ACTN1: variants seen among roughly 807,000 people sequenced by gnomAD.
ACTN1 encodes alpha-actinin-1.
ACTN1 carries 30 observed loss-of-function variants against 119.6 expected under a neutral mutation model. The observed-to-expected ratio is 0.25, with a 90% confidence interval of 0.19 to 0.34. ACTN1 has a LOEUF of 0.34. Among genes scored for constraint, ACTN1 ranks in the 10% least tolerant of loss-of-function variants. The pLI, the probability that ACTN1 is intolerant of heterozygous loss-of-function variation, is 1.00. For missense variants in ACTN1, 764 were observed against 1,223.4 expected, an observed-to-expected ratio of 0.62 and a Z score of 5.60; for synonymous variants, 429 against 472.6, an observed-to-expected ratio of 0.91 and a Z score of 1.20.
Position 68,892,312 on chromosome 14 carries a change from G to T in ACTN1, c.856-29C>A, listed in dbSNP as rs1021987880. 5 of 1,593,912 alleles carry T rather than the reference G, an allele frequency of 3.1e-6. No homozygotes were observed. The African/African-American group carries it at 6.7e-5, about 21-fold the overall frequency. ...GGGTGGGAAGGCGGTGGGGGCAGGAGGTGAGGAGGCGGGGAGGGAGTGTGC... is the reference window on the plus strand; with the variant it reads ...GGGTGGGAAGGCGGTGGGGGCAGGATGTGAGGAGGCGGGGAGGGAGTGTGC... On this transcript the variant is annotated intron_variant, in intron 9 of 21. Transcript: ENST00000394419.
chr14:68,970,471 G>A (rs1396767153), intron 1 of ACTN1, among the ~76,000 whole-genome samples: 1 of 152,172 alleles, frequency 6.6e-6, no homozygotes, highest in Non-Finnish European at 1.5e-5. Flanking sequence ...CCTGAGCCTC[G>A]GCTGCCTGGT....
intron 21 of ACTN1, 99 bp downstream of exon 21, chr14:68,876,983 G>T: frequency 7.1e-7 from 1 of 1,416,594 alleles, no homozygotes; most frequent in South Asian, 1.4e-5. Flanking sequence ...CTGGAAGAAG[G>T]GGCGGTTGAG....
intron 2 of ACTN1, among the ~76,000 whole-genome samples, chr14:68,923,693 G>A (rs890589868): frequency 3.9e-5 from 6 of 152,066 alleles, no homozygotes; most frequent in African/African-American, 7.2e-5. Flanking sequence ...AAAACAGCAC[G>A]GTGGCTCCTC....
intron 1 of ACTN1, among the ~76,000 whole-genome samples, chr14:68,929,457 T>C (rs1482054959): frequency 1.2e-5 from 1 of 82,194 alleles, no homozygotes; most frequent in Admixed American, 1.4e-4. Context: ...CAGGGCCATG[T>C]TACTGCTCAG....
chr14:68,876,699 T>TA (rs1229688023), intron 21 of ACTN1, among the ~76,000 whole-genome samples: 7 of 152,188 alleles, frequency 4.6e-5, no homozygotes, highest in Non-Finnish European at 1.0e-4. Flanking sequence ...CAGTCCCTCT[T>TA]CCTGCTCCCA....
chr14:68,890,406 G>T, intron 10 of ACTN1, 120 bp from the exon 11 acceptor site: 1 of 1,194,122 alleles, frequency 8.4e-7, no homozygotes, highest in Non-Finnish European at 1.2e-6. Flanking sequence ...CCCTATCTCT[G>T]CCCCATATCC....
chr14:68,915,194 T>TG (rs1307757164), intron 3 of ACTN1, among the ~76,000 whole-genome samples: 1 of 152,170 alleles, frequency 6.6e-6, no homozygotes, highest in African/African-American at 2.4e-5. Flanking sequence ...TCAAAGCCAG[T>TG]GGCCAGAGAG....
At chr14:68,923,290 G>A (rs1566641437) in intron 2 of ACTN1, among the ~76,000 whole-genome samples, 1 of 152,168 alleles carries the variant, frequency 6.6e-6, no homozygotes, top group African/African-American at 2.4e-5. Context: ...TGTGATAAAA[G>A]ACACAGCAGA....
At position 68,877,234 on chromosome 14, in the gene ACTN1, C is replaced by T. The variant is rs1327117776; in HGVS notation, c.2434G>A (p.Ala812Thr). 1.2e-6 allele frequency: 2 copies of T among 1,614,110 alleles called. No individual in the cohort carries two copies. Among genetic ancestry groups the T allele is most frequent in the South Asian group, 2.2e-5 (2 of 91,082 alleles). Residue 812 changes from alanine (A) to threonine (T), a missense_variant, in exon 21 of 22, where the codon GCA becomes ACA. Coordinates refer to ENST00000394419, the MANE Select transcript of ACTN1 (RefSeq NM_001130004.2). ...ATGCTCATGATGCGGGCAAATTCTGCTTCTCCCTGGAGGGAACAGCCAAAC... is the reference window on the plus strand; with the variant it reads ...ATGCTCATGATGCGGGCAAATTCTGTTTCTCCCTGGAGGGAACAGCCAAAC... ...LISMGYNMGE[A>T]EFARIMSIVD... is the part of the protein sequence containing the mutation.
chr14:68,897,693 C>G (rs1195982380), intron 8 of ACTN1, among the ~76,000 whole-genome samples: 1 of 152,248 alleles, frequency 6.6e-6, no homozygotes, highest in Admixed American at 6.5e-5. Flanking sequence ...CTTCCCACAG[C>G]TGTCCACTGC....
intron 8 of ACTN1, among the ~76,000 whole-genome samples, chr14:68,899,410 C>T (rs539224311): frequency 4.0e-5 from 6 of 150,202 alleles, no homozygotes; most frequent in Admixed American, 1.3e-4. Context: ...ACACTACACC[C>T]TTCCACACCA....
chr14:68,888,166 G>A (rs2032180420), intron 11 of ACTN1: 10 of 508,816 alleles, frequency 2.0e-5, no homozygotes, highest in South Asian at 9.8e-5. Context: ...CTGCCTGGCC[G>A]CTGCCACTCC....
chr14:68,884,740 G>A lies in ACTN1; in HGVS notation c.1494+35C>T, dbSNP rs767999958. The A allele has an allele frequency of 1.0e-5, 16 of 1,549,766 alleles. No homozygotes were observed. The South Asian group carries it at 1.6e-4, about 15-fold the overall frequency. ...AGGAAGGGGCACCACAGGGCTGCCG[G>A]ATATGGGCCTAGATCTCCCTCTGGG... On this transcript the variant is annotated intron_variant, in intron 13 of 21. Coordinates refer to ENST00000394419, the MANE Select transcript of ACTN1 (RefSeq NM_001130004.2).
chr14:68,915,163 A>G (rs1221546003), intron 3 of ACTN1, among the ~76,000 whole-genome samples: 1 of 152,134 alleles, frequency 6.6e-6, no homozygotes, highest in Non-Finnish European at 1.5e-5. Context: ...AAACCTCCAC[A>G]GCTTCCCACC....
intron 3 of ACTN1, among the ~76,000 whole-genome samples, chr14:68,912,594 C>T (rs58747753): frequency 0.14 from 21,599 of 152,036 alleles, 1,827 homozygotes; most frequent in South Asian, 0.25. Flanking sequence ...CCAGGCTGGT[C>T]TCAAACTCCT....
chr14:68,924,088 AG>A (rs2034789549), intron 2 of ACTN1, among the ~76,000 whole-genome samples: 1 of 152,244 alleles, frequency 6.6e-6, no homozygotes, highest in Admixed American at 6.5e-5. Flanking sequence ...GACAAAAAGT[AG>A]AATGGTGGTT....
At position 68,879,846 on chromosome 14, in the gene ACTN1, T is replaced by C; in HGVS notation, c.2280+116A>G. ...GAGTCAGGGCAGGCTGACGGCAGTT[T>C]CCCCTTTCTCTCCCTCCTCACTTGC... On this transcript the variant is annotated intron_variant, in intron 18 of 21. Coordinates refer to ENST00000394419, the MANE Select transcript of ACTN1 (RefSeq NM_001130004.2). The surrounding 1 kb of genome is among the most constrained non-coding windows in gnomAD (Gnocchi z 4.9). The C allele has an allele frequency of 1.4e-6, 2 of 1,442,226 alleles. No homozygotes were observed. Among genetic ancestry groups the C allele is most frequent in the South Asian group, 1.3e-5 (1 of 74,172 alleles). The allele number at this position is 1,442,226 out of a possible 1,614,324, so 89.3% of individuals were successfully genotyped here. A position where few individuals can be genotyped will look rare whatever the true frequency, so the allele number is the denominator to read the frequency against.
At chr14:68,910,634 G>T (rs1255406200) in intron 4 of ACTN1, among the ~76,000 whole-genome samples, 1 of 151,730 alleles carries the variant, frequency 6.6e-6, no homozygotes. Flanking sequence ...CAGCACAGAA[G>T]AAAGACTGCA....
In ACTN1 at chr14:68,925,425, G is replaced by T; in HGVS notation, c.220+133C>A. On this transcript the variant is annotated intron_variant, in intron 2 of 21. Coordinates refer to ENST00000394419, the MANE Select transcript of ACTN1 (RefSeq NM_001130004.2). This position sits in a 1 kb window ranked among gnomAD's most constrained non-coding sequence, Gnocchi z 4.3. ...CCAGAACTCAGACCCACGCTCCTAG[G>T]ATGAATTCATACATGTCATCCCCAA... 1 of 537,556 alleles carries T rather than the reference G, an allele frequency of 1.9e-6. No homozygotes were observed. The highest frequency in any genetic ancestry group is 3.1e-6 in the Non-Finnish European group (1 of 320,284). The allele number at this position is 537,556 out of a possible 1,614,324, so 33.3% of individuals were successfully genotyped here. A position where few individuals can be genotyped will look rare whatever the true frequency, so the allele number is the denominator to read the frequency against.
Sources: gnomAD v4.1 joint callset for allele counts (sites outside exome capture counted in the v4.1 genomes callset) on GRCh38, gnomAD v4.1.1 for gene constraint, Gnocchi (gnomAD v3.1) non-coding constraint, MANE v1.5 for transcripts, NCBI Gene and HGNC (gene_info 2026-07-23, HGNC 2026-07-21) for gene names.